Variants in MCFD2 observed in about 807,000 individuals in gnomAD.
The protein encoded by MCFD2 is multiple coagulation factor deficiency protein 2.
MCFD2 carries 11 observed loss-of-function variants against 12.8 expected under a neutral mutation model. That is an observed-to-expected ratio of 0.86 (90% CI 0.54 to 1.42). MCFD2 has a LOEUF of 1.42. Ranked by LOEUF, MCFD2 falls within the 40% of genes most tolerant of loss-of-function variation. The pLI is 0.00. For synonymous variants in MCFD2, 70 were observed against 68.1 expected (o/e 1.03, Z -0.14); for missense variants, 191 against 178.6 (o/e 1.07, Z -0.40).
chr2:46,905,692 T>TA, intron 3 of MCFD2, 98 bp from the exon 4 acceptor site: 1 of 835,044 alleles, frequency 1.2e-6, no homozygotes, highest in Non-Finnish European at 1.8e-6. Flanking sequence ...TGGCACTGTT[T>TA]ATTAAAAAAA....
Position 46,907,315 on chromosome 2 carries a change from G to A in MCFD2, c.309+495C>T, listed in dbSNP as rs1432708262. On this transcript the variant is annotated intron_variant, in intron 3 of 3. Coordinates refer to ENST00000319466, the MANE Select transcript of MCFD2 (RefSeq NM_139279.6). This position sits in a 1 kb window ranked among gnomAD's most constrained non-coding sequence, Gnocchi z 4.1. ...TCTGCCTCAGCAAGTTATCCTTTGC[G>A]GGAAGGATCGTTGGACAGAAAGAGG... 4 of 180,736 alleles carry A rather than the reference G, an allele frequency of 2.2e-5. No individual in the cohort carries two copies. Among genetic ancestry groups the A allele is most frequent in the East Asian group, 1.5e-4 (1 of 6,754 alleles). 11.2% of individuals were successfully genotyped at this position (180,736 alleles called of 1,614,324 possible).
At chr2:46,913,694 C>G (rs984386973) in intron 1 of MCFD2, 23 of 152,380 alleles carry the variant, frequency 1.5e-4, no homozygotes, top group African/African-American at 5.5e-4. Flanking sequence ...AGGGCACAAC[C>G]CATACCTTGA....
intron 1 of MCFD2, among the ~76,000 whole-genome samples, chr2:46,922,219 A>G (rs1669141624): frequency 6.6e-6 from 1 of 152,178 alleles, no homozygotes; most frequent in Non-Finnish European, 1.5e-5. Context: ...CCAGGCTGAT[A>G]CTATAATGTT....
upstream of MCFD2, among the ~76,000 whole-genome samples, chr2:46,919,449 C>T (rs2103796075): frequency 6.6e-6 from 1 of 152,336 alleles, no homozygotes; most frequent in East Asian, 1.9e-4. Context: ...AGGAGAATTG[C>T]TTGAACCCGG....
intron 1 of MCFD2, among the ~76,000 whole-genome samples, chr2:46,935,924 C>G (rs1019170151): frequency 6.6e-6 from 1 of 152,008 alleles, no homozygotes; most frequent in Non-Finnish European, 1.5e-5. Context: ...GATTCAGTCT[C>G]TTAAAAAATT....
chr2:46,915,895 G>A (rs983719401), upstream of MCFD2: 215 of 983,538 alleles, frequency 2.2e-4, no homozygotes, highest in Non-Finnish European at 2.5e-4. Flanking sequence ...TCCCGCTGGC[G>A]GCGGCGGGCT....
rs1668078095 is a variant in MCFD2 at position 46,903,105 on chromosome 2, T to TG, written c.*2357dup. 1.3e-5 allele frequency: 2 copies of TG among 152,178 alleles called. No individual in the cohort carries two copies. Among genetic ancestry groups the TG allele is most frequent in the South Asian group, 4.1e-4 (2 of 4,826 alleles). The allele number at this position is 152,178 out of a possible 1,614,324, so 9.4% of individuals were successfully genotyped here. On this transcript the variant is annotated 3_prime_UTR_variant, in exon 4 of 4. Coordinates refer to ENST00000319466, the MANE Select transcript of MCFD2 (RefSeq NM_139279.6). ...GACCCAGGGGGAGGTAATTGAATCA[T>TG]GGGGGCCAGTCTTTCCCGTGCTATT...
intron 1 of MCFD2, among the ~76,000 whole-genome samples, chr2:46,927,227 A>C (rs1669432443): frequency 1.3e-5 from 2 of 152,196 alleles, no homozygotes; most frequent in Non-Finnish European, 2.9e-5. Context: ...GAAAGATTAC[A>C]AGATCAGGAT....
chr2:46,926,804 C>T (rs1669407220), intron 1 of MCFD2, among the ~76,000 whole-genome samples: 1 of 152,216 alleles, frequency 6.6e-6, no homozygotes, highest in Non-Finnish European at 1.5e-5. Flanking sequence ...CGGACCTCCA[C>T]AGCTTGAGAC....
At chr2:46,934,261 G>A (rs539636369) in intron 1 of MCFD2, among the ~76,000 whole-genome samples, 3 of 152,214 alleles carry the variant, frequency 2.0e-5, no homozygotes, top group Non-Finnish European at 2.9e-5. Flanking sequence ...AAATGAACTC[G>A]ATGACTTTTG....
At chr2:46,924,065 C>T (rs1030391845) in intron 1 of MCFD2, among the ~76,000 whole-genome samples, 2 of 151,874 alleles carry the variant, frequency 1.3e-5, no homozygotes, top group Admixed American at 6.6e-5. Context: ...AATAGCCAGG[C>T]GTGGTGGTGT....
chr2:46,924,650 A>G (rs187540020), intron 1 of MCFD2, among the ~76,000 whole-genome samples: 306 of 152,032 alleles, frequency 2.0e-3, no homozygotes, highest in Middle Eastern at 6.8e-3. Flanking sequence ...CCCTGGAGAT[A>G]GGGTCTTGCT....
At chr2:46,928,838 G>C (rs562815830) in intron 1 of MCFD2, among the ~76,000 whole-genome samples, 1 of 151,986 alleles carries the variant, frequency 6.6e-6, no homozygotes, top group East Asian at 1.9e-4. Flanking sequence ...TTACACCAGA[G>C]GGGTAGGGGG....
At chr2:46,913,473 A>G (rs34581142) in intron 1 of MCFD2, among the ~76,000 whole-genome samples, 25,457 of 152,184 alleles carry the variant, frequency 0.17, 2,547 homozygotes, top group African/African-American at 0.27. Context: ...ACTGCCACCT[A>G]ACAAATTAAA....
intron 1 of MCFD2, among the ~76,000 whole-genome samples, chr2:46,921,317 C>G (rs1669090960): frequency 6.6e-6 from 1 of 152,186 alleles, no homozygotes; most frequent in Non-Finnish European, 1.5e-5. Flanking sequence ...TTAGCACTGT[C>G]ACAGGATACA....
Position 46,937,780 on chromosome 2 carries a change from G to T in MCFD2, c.-8+3792C>A, listed in dbSNP as rs1031369417. 6.6e-6 allele frequency among the ~76,000 whole-genome samples: 1 copy of T among 152,202 alleles called. No individual in the cohort carries two copies. The highest frequency in any genetic ancestry group is 6.5e-5 in the Admixed American group (1 of 15,280). ...GCCATGGATTGCATAGGAAGCTGAA[G>T]GGGTTTGGGGAAGCTGTGAACGTTA... On this transcript the variant is annotated intron_variant, in intron 1 of 2. Transcript: ENST00000409147. This position sits in a 1 kb window ranked among gnomAD's most constrained non-coding sequence, Gnocchi z 4.0.
At chr2:46,939,671 T>G (rs1670168329) in intron 1 of MCFD2, among the ~76,000 whole-genome samples, 1 of 152,156 alleles carries the variant, frequency 6.6e-6, no homozygotes, top group Non-Finnish European at 1.5e-5. Context: ...ACCCTGCTGT[T>G]CACTCCCTGC....
upstream of MCFD2, chr2:46,917,226 T>G (rs1405504647): frequency 8.6e-6 from 6 of 696,408 alleles, no homozygotes; most frequent in Non-Finnish European, 1.6e-5. Context: ...AACTCCTGGG[T>G]TCAAGCAATC....
rs952756257 is a variant in MCFD2 at position 46,938,466 on chromosome 2, C to T, written c.-8+3106G>A. On this transcript the variant is annotated intron_variant, in intron 1 of 2. Transcript: ENST00000409147. ...TCAACCGAGGGGGTATTCTCTTCTACTTTGTGACACTATACTTTAATAACT... is the reference window on the plus strand; with the variant it reads ...TCAACCGAGGGGGTATTCTCTTCTATTTTGTGACACTATACTTTAATAACT... Among the ~76,000 whole-genome samples the T allele has an allele frequency of 3.9e-5, 6 of 152,260 alleles. No homozygotes were observed. The East Asian group carries it at 1.2e-3, about 29-fold the overall frequency.
Sources: allele counts gnomAD v4.1 joint callset (sites outside exome capture counted in the v4.1 genomes callset), GRCh38; gene constraint gnomAD v4.1.1; non-coding constraint Gnocchi (gnomAD v3.1); transcripts MANE v1.5; gene names NCBI Gene and HGNC (gene_info 2026-07-23, HGNC 2026-07-21).